The following MYO10 variants were observed in gnomAD, a reference collection of about 807,000 sequenced individuals.
The protein encoded by MYO10 is myosin X, also known as unconventional myosin-X.
A neutral mutation model predicts 257.3 loss-of-function variants in MYO10; 133 were observed. That is an observed-to-expected ratio of 0.52 (90% CI 0.45 to 0.60). MYO10 has a LOEUF of 0.60. Ranked by LOEUF, MYO10 falls within the 20% of genes least tolerant of loss-of-function variation. The pLI, the probability that MYO10 is intolerant of heterozygous loss-of-function variation, is 0.00. For missense variants in MYO10, 2,399 were observed against 2,635.7 expected (o/e 0.91, Z 1.97); for synonymous variants, 1,104 against 1,028.6 (o/e 1.07, Z -1.40).
At chr5:16,762,996 G>A (rs1328667776) in intron 14 of MYO10, among the ~76,000 whole-genome samples, 1 of 149,908 alleles carries the variant, frequency 6.7e-6, no homozygotes, top group Non-Finnish European at 1.5e-5. Flanking sequence ...AAAGTTGAAT[G>A]TGTGCGTCCC....
chr5:16,828,761 G>T (rs4702174), intron 2 of MYO10, among the ~76,000 whole-genome samples: 78,629 of 151,686 alleles, frequency 0.52, 23,840 homozygotes, highest in Non-Finnish European at 0.69. Context: ...TTGAGACAGG[G>T]TCTCACTCTG....
intron 18 of MYO10, among the ~76,000 whole-genome samples, chr5:16,757,288 T>TCACACACACACAAACA (rs1553992909): frequency 8.4e-6 from 1 of 118,896 alleles, no homozygotes; most frequent in African/African-American, 3.6e-5. Context: ...AGACCCTGTC[T>TCACACACACACAAACA]CACACACACA....
chr5:16,863,586 G>A (rs1339203731), intron 2 of MYO10, among the ~76,000 whole-genome samples: 1 of 152,166 alleles, frequency 6.6e-6, no homozygotes, highest in African/African-American at 2.4e-5. Context: ...CAATATGACT[G>A]TTGAAATATA....
intron 19 of MYO10, among the ~76,000 whole-genome samples, chr5:16,715,113 A>T (rs397267): frequency 1 from 141,984 of 142,420 alleles, 70,778 homozygotes; most frequent in Middle Eastern, 1. Flanking sequence ...TTAAAAAAAA[A>T]TTTTTTAAAA....
intron 2 of MYO10, among the ~76,000 whole-genome samples, chr5:16,835,492 GTTTTTTTTTT>G (rs1554001242): frequency 1.2e-5 from 1 of 81,060 alleles, no homozygotes; most frequent in Non-Finnish European, 2.3e-5. Flanking sequence ...ATTTTTGGCT[GTTTTTTTTTT>G]TTTTTTTTTT....
chr5:16,880,899 T>A (rs1447223779), intron 1 of MYO10, among the ~76,000 whole-genome samples: 2 of 152,242 alleles, frequency 1.3e-5, no homozygotes, highest in African/African-American at 4.8e-5. Context: ...GAAAAAGATT[T>A]CAAGTGCCTG....
At chr5:16,751,950 A>T (rs982691047) in intron 19 of MYO10, among the ~76,000 whole-genome samples, 3 of 152,216 alleles carry the variant, frequency 2.0e-5, no homozygotes, top group Admixed American at 1.3e-4. Flanking sequence ...AATTCAAAGC[A>T]ATTAGGTACT....
rs143822465 is a variant in MYO10, at chr5:16,741,726, T to C, written c.1929+13102A>G. 2.2e-3 allele frequency: 1,933 copies of C among 894,680 alleles called. 31 individuals carry two copies. The African/African-American group carries it at 0.032, about 15-fold the overall frequency. 55.4% of individuals were successfully genotyped at this position (894,680 alleles called of 1,614,324 possible). On this transcript the variant is annotated intron_variant, in intron 19 of 40. Coordinates refer to ENST00000513610, the MANE Select transcript of MYO10 (RefSeq NM_012334.3). The stretch of plus-strand genomic sequence containing the variant: ...CAAAATCTGTTCCCCGTGTATGATC[T>C]CTGCAGTTTTACAATACCATCATCA...
At chr5:16,761,406 C>CACAA in intron 17 of MYO10, 58 bp downstream of exon 17, 1 of 1,330,222 alleles carries the variant, frequency 7.5e-7, no homozygotes, top group Non-Finnish European at 1.1e-6. Flanking sequence ...GAATTAAAAG[C>CACAA]ATTTGCACAA....
intron 1 of MYO10, among the ~76,000 whole-genome samples, chr5:16,883,890 C>T (rs1272680008): frequency 1.3e-5 from 2 of 152,182 alleles, no homozygotes; most frequent in African/African-American, 4.8e-5. Flanking sequence ...TTCTGTACAG[C>T]ATGTTCTAAT....
chr5:16,682,290 G>A lies in MYO10; in HGVS notation c.4047-277C>T, dbSNP rs116011529. Among the ~76,000 whole-genome samples, 1,148 of 152,272 alleles carry A rather than the reference G, an allele frequency of 7.5e-3. 7 individuals are homozygous for A. Among genetic ancestry groups the A allele is most frequent in the Non-Finnish European group, 0.01 (687 of 68,014 alleles). On this transcript the variant is annotated intron_variant, in intron 30 of 40. Coordinates refer to ENST00000513610, the MANE Select transcript of MYO10 (RefSeq NM_012334.3). ...AACTTTCCAGATGAAACTCAGTTCC[G>A]GGAAGGCTAAACAAGGTGACCATGA...
chr5:16,865,628 T>C (rs1447141475), intron 2 of MYO10, among the ~76,000 whole-genome samples: 2 of 151,972 alleles, frequency 1.3e-5, no homozygotes, highest in Non-Finnish European at 2.9e-5. Context: ...GTGACCAATA[T>C]GGTGAAACCC....
chr5:16,853,548 C>T (rs976746571), intron 2 of MYO10, among the ~76,000 whole-genome samples: 3 of 152,188 alleles, frequency 2.0e-5, no homozygotes, highest in Non-Finnish European at 4.4e-5. Flanking sequence ...CAGCCTCTCA[C>T]CTACTTCAAC....
chr5:16,707,604 G>A (rs943144061), intron 21 of MYO10, among the ~76,000 whole-genome samples: 3 of 152,198 alleles, frequency 2.0e-5, no homozygotes, highest in Non-Finnish European at 4.4e-5. Flanking sequence ...GTCTGACACT[G>A]AAGTCCAGAG....
In MYO10 at chr5:16,701,161, G is replaced by A. The variant is rs768255525; in HGVS notation, c.3234C>T (p.Asn1078=). The A allele has an allele frequency of 2.4e-5, 39 of 1,604,988 alleles. No individual in the cohort carries two copies. Among genetic ancestry groups the A allele is most frequent in the Non-Finnish European group, 3.1e-5 (36 of 1,175,964 alleles). ...CGTCTGGGGAGGGCAAGTCCCCAGC[G>A]TTCTGGGGCATGCAGTAGGTGGACT... The part of the protein sequence containing the change: ...SGESTYCMPQ[N]AGDLPSPDGD... Residue 1078 remains asparagine, a synonymous_variant, in exon 25 of 41, where the codon AAC becomes AAT. Coordinates refer to ENST00000513610, the MANE Select transcript of MYO10 (RefSeq NM_012334.3). The surrounding 1 kb of genome is among the most constrained non-coding windows in gnomAD (Gnocchi z 8.1).
At position 16,894,528 on chromosome 5, in the gene MYO10, G is replaced by A. The variant is rs1745166564; in HGVS notation, c.22-16821C>T. 2.0e-5 allele frequency among the ~76,000 whole-genome samples: 3 copies of A among 152,266 alleles called. No homozygotes were observed. The South Asian group carries it at 6.2e-4, about 32-fold the overall frequency. On this transcript the variant is annotated intron_variant, in intron 1 of 40. Transcript: ENST00000513610. ...AAAGCAAATACAATCTACCTCCCAG[G>A]AACTGTGGGGATTAAAGAGGCTAAC...
chr5:16,853,369 G>A (rs1393323014), intron 2 of MYO10, among the ~76,000 whole-genome samples: 61 of 142,760 alleles, frequency 4.3e-4, no homozygotes, highest in African/African-American at 1.2e-3. Flanking sequence ...GTGAGACTCC[G>A]TCTCAAAAAA....
At chr5:16,885,390 G>A (rs113176187) in intron 1 of MYO10, among the ~76,000 whole-genome samples, 1,768 of 152,228 alleles carry the variant, frequency 0.012, 11 homozygotes, top group Middle Eastern at 0.031. Context: ...GGTGCTCATC[G>A]GCCGGGCACA....
intron 3 of MYO10, among the ~76,000 whole-genome samples, chr5:16,809,803 G>A (rs927252329): frequency 6.6e-6 from 1 of 152,004 alleles, no homozygotes; most frequent in Non-Finnish European, 1.5e-5. Context: ...CTGTTTGTTC[G>A]GCAAGACAAA....
Sources: allele counts gnomAD v4.1 joint callset (sites outside exome capture counted in the v4.1 genomes callset), GRCh38; gene constraint gnomAD v4.1.1; non-coding constraint Gnocchi (gnomAD v3.1); transcripts MANE v1.5; gene names NCBI Gene and HGNC (gene_info 2026-07-23, HGNC 2026-07-21).